Variants in MTAP observed in about 807,000 individuals in gnomAD.
The protein encoded by MTAP is methylthioadenosine phosphorylase.
In MTAP, 33 loss-of-function variants were observed where a neutral mutation model predicts 33.6. The ratio of observed to expected loss-of-function variants is 0.98; its 90% CI spans 0.74 to 1.31. The LOEUF (loss-of-function observed/expected upper bound fraction) is 1.31, where lower values mean the gene tolerates loss of function less well. Ranked by LOEUF, MTAP falls within the 40% of genes most tolerant of loss-of-function variation. The pLI is 0.00. For synonymous variants in MTAP, 148 were observed against 125.7 expected (o/e 1.18, Z -1.19); for missense variants, 367 against 360.0 (o/e 1.02, Z -0.16).
At chr9:21,816,582 G>GTAATTGATTAAATGATT in intron 2 of MTAP, 132 bp from the exon 3 acceptor site, 1 of 707,596 alleles carries the variant, frequency 1.4e-6, no homozygotes, top group Non-Finnish European at 2.4e-6. Flanking sequence ...TTGATAATCA[G>GTAATTGATTAAATGATT]ATCTTGCCTC....
At chr9:21,847,227 A>G (rs994127313) in intron 5 of MTAP, among the ~76,000 whole-genome samples, 1 of 152,188 alleles carries the variant, frequency 6.6e-6, no homozygotes, top group African/African-American at 2.4e-5. Context: ...CAGACGGCCT[A>G]TTGTGGGACC....
At chr9:21,832,178 T>C (rs553566762) in intron 4 of MTAP, among the ~76,000 whole-genome samples, 1 of 152,330 alleles carries the variant, frequency 6.6e-6, no homozygotes, top group South Asian at 2.1e-4. Context: ...ATCAGGAAAG[T>C]CCCGCTATAA....
At position 21,922,795 on chromosome 9, in the gene MTAP, C is replaced by T. The variant is rs1464889431; in HGVS notation, c.148-8213C>T. On this transcript the variant is annotated intron_variant, in intron 1 of 1. Transcript: ENST00000577563. This position sits in a 1 kb window ranked among gnomAD's most constrained non-coding sequence, Gnocchi z 4.8. The stretch of plus-strand genomic sequence containing the variant: ...GGCTGATCTCTCAGCTTACCCTGAC[C>T]GGTGGCTTACAGGGGTAGGAAGGAC... Among the ~76,000 whole-genome samples, 2 of 152,154 alleles carry T rather than the reference C, an allele frequency of 1.3e-5. No individual in the cohort carries two copies. The highest frequency in any genetic ancestry group is 1.5e-5 in the Non-Finnish European group (1 of 68,028).
At chr9:21,821,941 T>TGGTA (rs1250791462) in intron 4 of MTAP, among the ~76,000 whole-genome samples, 1 of 152,246 alleles carries the variant, frequency 6.6e-6, no homozygotes, top group East Asian at 1.9e-4. Context: ...TATGCTCTGA[T>TGGTA]GGTAGTTTGT....
intron 1 of MTAP, chr9:21,892,278 C>A (rs1333453243): frequency 6.6e-6 from 1 of 152,106 alleles, no homozygotes; most frequent in East Asian, 1.9e-4. Flanking sequence ...GTAATATTAA[C>A]CTTGAGTATA....
rs1179074073 is a variant in MTAP at position 21,865,074 on chromosome 9, A to G, written c.*3060A>G. The G allele has an allele frequency of 1.4e-5, 14 of 985,418 alleles. No homozygotes were observed. The East Asian group carries it at 1.1e-3, about 80-fold the overall frequency. The allele number at this position is 985,418 out of a possible 1,614,324, so 61.0% of individuals were successfully genotyped here. A position where few individuals can be genotyped will look rare whatever the true frequency, so the allele number is the denominator to read the frequency against. ...GCCACATTTGCAGAGTCCCTCCTTG[A>G]TAAGGTTTGGCGGTGTCCCCACCCA... On this transcript the variant is annotated 3_prime_UTR_variant, in exon 8 of 8. Transcript: ENST00000644715.
At chr9:21,829,466 C>G (rs1380707857) in intron 4 of MTAP, among the ~76,000 whole-genome samples, 1 of 150,972 alleles carries the variant, frequency 6.6e-6, no homozygotes, top group African/African-American at 2.4e-5. Context: ...CACTCTGTTG[C>G]CCAGGCTAGA....
chr9:21,821,532 T>C (rs560108394), intron 4 of MTAP, among the ~76,000 whole-genome samples: 1 of 152,352 alleles, frequency 6.6e-6, no homozygotes, highest in South Asian at 2.1e-4. Context: ...TTTGCCAGTA[T>C]TTTATTGAGG....
intron 1 of MTAP, among the ~76,000 whole-genome samples, chr9:21,879,042 G>T (rs905612337): frequency 6.6e-6 from 1 of 152,182 alleles, no homozygotes; most frequent in South Asian, 2.1e-4. Context: ...TTGGGTTAGG[G>T]TGGAGAGTTC....
intron 4 of MTAP, among the ~76,000 whole-genome samples, chr9:21,830,539 G>T (rs1042125427): frequency 6.6e-6 from 1 of 152,200 alleles, no homozygotes; most frequent in East Asian, 1.9e-4. Flanking sequence ...TAAACAGTCA[G>T]TTTGAACTGG....
At position 21,859,196 on chromosome 9, in the gene MTAP, G is replaced by T. The variant is rs193240476; in HGVS notation, c.691-107G>T. 2.0e-6 allele frequency: 3 copies of T among 1,464,638 alleles called. No homozygotes were observed. In the African/African-American group the frequency reaches 4.3e-5, roughly 21 times the overall value. 90.7% of individuals were successfully genotyped at this position (1,464,638 alleles called of 1,614,324 possible). A position where few individuals can be genotyped will look rare whatever the true frequency, so the allele number is the denominator to read the frequency against. ...TTCGGTTTCAGCAGATAAATTTGAG[G>T]GGACACAAACATTTAGGCTGTAGCA... On this transcript the variant is annotated intron_variant, in intron 6 of 7. Transcript: ENST00000644715.
At position 21,863,135 on chromosome 9, in the gene MTAP, C is replaced by A. The variant is rs752786511; in HGVS notation, c.*1121C>A. ...AAAAGCTAGGTGTTTAATAGTTTAA[C>A]TGAAAGTTTAACTATTTAAAAGACT... On this transcript the variant is annotated 3_prime_UTR_variant, in exon 8 of 8. Transcript: ENST00000644715. 4 of 979,132 alleles carry A rather than the reference C, an allele frequency of 4.1e-6. No homozygotes were observed. Among genetic ancestry groups the A allele is most frequent in the Non-Finnish European group, 4.9e-6 (4 of 824,228 alleles). The allele number at this position is 979,132 out of a possible 1,614,324, so 60.7% of individuals were successfully genotyped here.
At position 21,854,014 on chromosome 9, in the gene MTAP, C is replaced by T. The variant is rs183733564; in HGVS notation, c.451-617C>T. 2.0e-5 allele frequency among the ~76,000 whole-genome samples: 3 copies of T among 152,242 alleles called. No homozygotes were observed. In the East Asian group the frequency reaches 5.8e-4, roughly 29 times the overall value. The stretch of plus-strand genomic sequence containing the variant: ...TCAATGATGTTTCTAAAAATCCATG[C>T]CTAGCCTTGCCACTAAAGGAATTCC... On this transcript the variant is annotated intron_variant, in intron 5 of 7. Coordinates refer to ENST00000644715, the MANE Select transcript of MTAP (RefSeq NM_002451.4).
At position 21,894,769 on chromosome 9, in the gene MTAP, A is replaced by T. The variant is rs1275634668; in HGVS notation, c.148-36239A>T. 2.0e-5 allele frequency among the ~76,000 whole-genome samples: 3 copies of T among 152,010 alleles called. No homozygotes were observed. In the East Asian group the frequency reaches 5.8e-4, roughly 29 times the overall value. ...ATTAAAAAATATATATATATAAAAG[A>T]AAACTCCATAGTGTCTGTCCAAAGC... On this transcript the variant is annotated intron_variant, in intron 1 of 1. Transcript: ENST00000577563.
chr9:21,931,290 G>A (rs944881646), downstream of MTAP: 1 of 584,334 alleles, frequency 1.7e-6, no homozygotes, highest in African/African-American at 1.9e-5. Flanking sequence ...GTTTCCCAAA[G>A]AATTGGGTCA....
In MTAP at chr9:21,816,742, TAAA is replaced by T; in HGVS notation, c.153_155del (p.Lys51del). On this transcript the variant is annotated inframe_deletion, in exon 3 of 8. Coordinates refer to ENST00000644715, the MANE Select transcript of MTAP (RefSeq NM_002451.4). Reference sequence around the variant, plus strand: ...TCTGATGCCTTAATTTTGGGGAAGATAAAAAATGTTGATTGCGTCCTCCTTGCA... The same window carrying T: ...TCTGATGCCTTAATTTTGGGGAAGATAAATGTTGATTGCGTCCTCCTTGCA... 1.2e-6 allele frequency: 2 copies of T among 1,612,172 alleles called. No homozygotes were observed. Among genetic ancestry groups the T allele is most frequent in the Non-Finnish European group, 1.7e-6 (2 of 1,179,242 alleles).
chr9:21,809,943 T>C (rs1450519008), intron 1 of MTAP, among the ~76,000 whole-genome samples: 1 of 152,228 alleles, frequency 6.6e-6, no homozygotes, highest in Admixed American at 6.5e-5. Flanking sequence ...GCAGGTGAAG[T>C]GTGTCTTTAA....
At chr9:21,868,896 T>C (rs1454159751), downstream of MTAP, among the ~76,000 whole-genome samples, 7 of 152,180 alleles carry the variant, frequency 4.6e-5, no homozygotes, top group Non-Finnish European at 1.0e-4. Flanking sequence ...ATTCAGGATA[T>C]CTGGAGCATG....
At chr9:21,844,819 G>C (rs1247739929) in intron 5 of MTAP, among the ~76,000 whole-genome samples, 2 of 152,114 alleles carry the variant, frequency 1.3e-5, no homozygotes, top group Non-Finnish European at 2.9e-5. Flanking sequence ...CGGATCACAA[G>C]GTCAGATCGA....
Sources: allele counts gnomAD v4.1 joint callset (sites outside exome capture counted in the v4.1 genomes callset), GRCh38; gene constraint gnomAD v4.1.1; non-coding constraint Gnocchi (gnomAD v3.1); transcripts MANE v1.5; gene names NCBI Gene and HGNC (gene_info 2026-07-23, HGNC 2026-07-21).